The following CTNNA2 variants were observed in gnomAD, a reference collection of about 807,000 sequenced individuals.
The protein encoded by CTNNA2 is catenin alpha-2.
A neutral mutation model predicts 101.0 loss-of-function variants in CTNNA2; 42 were observed. The observed-to-expected ratio is 0.42, with a 90% CI of 0.32 to 0.54. The LOEUF is 0.54. Among genes scored for constraint, CTNNA2 ranks in the 20% least tolerant of loss-of-function variants. The pLI is 0.14. For missense variants in CTNNA2, 871 were observed against 1,223.1 expected, an observed-to-expected ratio of 0.71 and a Z score of 4.29; for synonymous variants, 450 against 456.4, an observed-to-expected ratio of 0.99 and a Z score of 0.18.
chr2:80,059,651 T>G (rs1217669250), intron 7 of CTNNA2, among the ~76,000 whole-genome samples: 1 of 152,220 alleles, frequency 6.6e-6, no homozygotes, highest in Non-Finnish European at 1.5e-5. Flanking sequence ...AGCCTATCAC[T>G]AAATAAACTT....
At chr2:80,153,636 C>A (rs1703834642) in intron 7 of CTNNA2, among the ~76,000 whole-genome samples, 1 of 152,096 alleles carries the variant, frequency 6.6e-6, no homozygotes, top group Non-Finnish European at 1.5e-5. Flanking sequence ...GTACAAGCAC[C>A]ACATAGATGA....
intron 17 of CTNNA2, chr2:80,608,630 TC>T (rs1558640386): frequency 4.8e-6 from 1 of 209,066 alleles, no homozygotes; most frequent in East Asian, 1.0e-4. Flanking sequence ...GTATATTTAC[TC>T]ATTGTGAGTC....
intron 3 of CTNNA2, among the ~76,000 whole-genome samples, chr2:79,372,770 C>T (rs896851744): frequency 3.9e-5 from 6 of 152,122 alleles, no homozygotes; most frequent in African/African-American, 7.2e-5. Context: ...AAAGGATATA[C>T]GGTATGGCAT....
intron 2 of CTNNA2, among the ~76,000 whole-genome samples, chr2:79,265,370 A>G (rs907377077): frequency 6.6e-6 from 1 of 152,194 alleles, no homozygotes. Flanking sequence ...TGGTGCCAAG[A>G]CAGCCTGTCA....
chr2:79,941,722 G>A (rs564177501), intron 7 of CTNNA2, among the ~76,000 whole-genome samples: 1 of 152,238 alleles, frequency 6.6e-6, no homozygotes, highest in South Asian at 2.1e-4. Context: ...AAGTTCAAGT[G>A]ATTCTCCTGT....
chr2:79,679,619 A>T (rs1683421636), intron 2 of CTNNA2, among the ~76,000 whole-genome samples: 1 of 151,820 alleles, frequency 6.6e-6, no homozygotes, highest in South Asian at 2.1e-4. Context: ...GTTCCATGGC[A>T]GCTGACACCG....
intron 4 of CTNNA2, among the ~76,000 whole-genome samples, chr2:79,409,161 G>C (rs190477661): frequency 2.9e-4 from 44 of 152,104 alleles, no homozygotes; most frequent in Admixed American, 2.9e-3. Context: ...TTTCTTTCTT[G>C]TAAATTTGTT....
chr2:80,339,905 T>C lies in CTNNA2; in HGVS notation c.1057-53306T>C, dbSNP rs115313325. On this transcript the variant is annotated intron_variant, in intron 7 of 18. Coordinates refer to ENST00000402739, the MANE Select transcript of CTNNA2 (RefSeq NM_001282597.3). ...AGCAAGTAACTCCTTTTGTGTGTCT[T>C]TGGGGAGTTCATTTCCCAGACATTT... 2.1e-3 allele frequency among the ~76,000 whole-genome samples: 319 copies of C among 152,266 alleles called. 7 individuals carry two copies. The South Asian group carries it at 0.024, about 11-fold the overall frequency.
chr2:79,747,715 G>C lies in CTNNA2; in HGVS notation c.298+3133G>C, dbSNP rs114460942. Among the ~76,000 whole-genome samples the C allele has an allele frequency of 5.0e-3, 757 of 152,314 alleles. 4 individuals are homozygous for C. Among genetic ancestry groups the C allele is most frequent in the Middle Eastern group, 0.024 (7 of 294 alleles). On this transcript the variant is annotated intron_variant, in intron 3 of 18. Transcript: ENST00000402739. ...AGTTCTTGGCCAGACTATCCTAGGA[G>C]TATTGGAGTAACAAATTTCTACAGA...
chr2:79,290,489 C>A (rs796746720), intron 2 of CTNNA2, among the ~76,000 whole-genome samples: 9 of 152,248 alleles, frequency 5.9e-5, no homozygotes, highest in African/African-American at 2.2e-4. Flanking sequence ...TTCCCAAGAC[C>A]ACCCTGGCCC....
At chr2:79,619,645 A>C (rs981228177) in intron 1 of CTNNA2, among the ~76,000 whole-genome samples, 2 of 152,138 alleles carry the variant, frequency 1.3e-5, no homozygotes, top group African/African-American at 4.8e-5. Context: ...AAGTGTTTGA[A>C]TATAGCCTCA....
chr2:79,986,580 A>T (rs1277870517), intron 7 of CTNNA2, among the ~76,000 whole-genome samples: 1 of 152,078 alleles, frequency 6.6e-6, no homozygotes, highest in Non-Finnish European at 1.5e-5. Flanking sequence ...AGGAAGTTTT[A>T]TGCAGGTGGA....
At chr2:79,911,899 C>T (rs940067599) in intron 7 of CTNNA2, among the ~76,000 whole-genome samples, 11 of 152,292 alleles carry the variant, frequency 7.2e-5, no homozygotes, top group Admixed American at 5.2e-4. Context: ...ACTCATTTCT[C>T]CTGCTGCACA....
At chr2:79,607,551 G>A (rs543818908) in intron 1 of CTNNA2, among the ~76,000 whole-genome samples, 3 of 152,044 alleles carry the variant, frequency 2.0e-5, no homozygotes, top group Admixed American at 6.6e-5. Flanking sequence ...GCATAAACTG[G>A]TAAGTTGATT....
chr2:80,596,274 A>AGGT (rs1696946821), intron 15 of CTNNA2, among the ~76,000 whole-genome samples: 1 of 80,294 alleles, frequency 1.2e-5, no homozygotes, highest in Non-Finnish European at 2.6e-5. Flanking sequence ...GGCTGAGACA[A>AGGT]GGTTGTTTTT....
At chr2:79,604,688 G>A (rs769227411) in intron 1 of CTNNA2, among the ~76,000 whole-genome samples, 5 of 152,178 alleles carry the variant, frequency 3.3e-5, no homozygotes, top group Non-Finnish European at 5.9e-5. Context: ...AATGTGCTGA[G>A]TATTCACATA....
intron 7 of CTNNA2, among the ~76,000 whole-genome samples, chr2:80,378,172 T>A (rs191568150): frequency 6.6e-6 from 1 of 152,000 alleles, no homozygotes; most frequent in Non-Finnish European, 1.5e-5. Flanking sequence ...CTGCCCAACA[T>A]GGTGAAACCC....
intron 12 of CTNNA2, among the ~76,000 whole-genome samples, chr2:80,569,132 GACTC>G (rs1432871467): frequency 6.6e-6 from 1 of 152,084 alleles, no homozygotes; most frequent in Non-Finnish European, 1.5e-5. Flanking sequence ...TCATTTAACT[GACTC>G]ACCCTGTGTT....
chr2:79,902,793 AT>A (rs1685151202), intron 6 of CTNNA2, among the ~76,000 whole-genome samples: 1 of 151,818 alleles, frequency 6.6e-6, no homozygotes. Flanking sequence ...TGCCCGGCTA[AT>A]TTTTGTATTT....
Sources: allele counts gnomAD v4.1 joint callset (sites outside exome capture counted in the v4.1 genomes callset), GRCh38; gene constraint gnomAD v4.1.1; transcripts MANE v1.5; gene names NCBI Gene and HGNC (gene_info 2026-07-23, HGNC 2026-07-21).